The following CLSTN2 variants were observed in gnomAD, a reference collection of about 807,000 sequenced individuals.
CLSTN2 encodes calsyntenin-2.
CLSTN2 carries 48 observed loss-of-function variants against 101.2 expected under a neutral mutation model. The observed-to-expected ratio is 0.47, with a 90% CI of 0.38 to 0.60. The LOEUF (loss-of-function observed/expected upper bound fraction) is 0.60. Among genes scored for constraint, CLSTN2 ranks in the 20% least tolerant of loss-of-function variants. The pLI, the probability that CLSTN2 is intolerant of heterozygous loss-of-function variation, is 0.00. For synonymous variants in CLSTN2, 481 were observed against 463.6 expected, an observed-to-expected ratio of 1.04 and a Z score of -0.48; for missense variants, 1,160 against 1,238.2, an observed-to-expected ratio of 0.94 and a Z score of 0.95.
chr3:140,551,517 G>C (rs2081785044), intron 10 of CLSTN2, among the ~76,000 whole-genome samples: 3 of 152,028 alleles, frequency 2.0e-5, no homozygotes, highest in Admixed American at 2.0e-4. Context: ...TCATGTGGAA[G>C]AGTGGGAAAG....
intron 2 of CLSTN2, among the ~76,000 whole-genome samples, chr3:140,257,385 G>A (rs766911566): frequency 2.6e-5 from 4 of 152,118 alleles, no homozygotes; most frequent in Admixed American, 6.6e-5. Flanking sequence ...TCTTGTATTT[G>A]GAGAAAGTGA....
At chr3:140,187,244 C>A (rs1404202028) in intron 2 of CLSTN2, among the ~76,000 whole-genome samples, 1 of 152,142 alleles carries the variant, frequency 6.6e-6, no homozygotes, top group East Asian at 1.9e-4. Context: ...AGCCTCCACA[C>A]CAGCCTCATA....
chr3:140,430,190 C>T (rs2088614061), intron 5 of CLSTN2, among the ~76,000 whole-genome samples: 1 of 152,162 alleles, frequency 6.6e-6, no homozygotes, highest in Non-Finnish European at 1.5e-5. Context: ...CCTCAGTTCT[C>T]TCTTTTACTG....
intron 1 of CLSTN2, among the ~76,000 whole-genome samples, chr3:140,058,101 T>A (rs549912350): frequency 6.8e-5 from 10 of 146,722 alleles, no homozygotes; most frequent in Admixed American, 1.4e-4. Flanking sequence ...AAAAAAAAAA[T>A]TTCAAAAACT....
chr3:140,232,869 CTAGCTTA>C (rs374069743), intron 2 of CLSTN2, among the ~76,000 whole-genome samples: 9 of 152,174 alleles, frequency 5.9e-5, no homozygotes, highest in African/African-American at 2.2e-4. Context: ...ACCTGTGTCA[CTAGCTTA>C]GTTCAGAACA....
At chr3:140,170,880 T>G (rs1252888699) in intron 1 of CLSTN2, among the ~76,000 whole-genome samples, 1 of 152,120 alleles carries the variant, frequency 6.6e-6, no homozygotes, top group Non-Finnish European at 1.5e-5. Flanking sequence ...GGCCAGAGGA[T>G]TCACATAGGA....
At chr3:140,167,598 A>T (rs573338451) in intron 1 of CLSTN2, among the ~76,000 whole-genome samples, 2 of 152,288 alleles carry the variant, frequency 1.3e-5, no homozygotes, top group South Asian at 4.1e-4. Flanking sequence ...GTGAAGTTGG[A>T]TATGTTTTGA....
rs140879586 is a variant in CLSTN2 at position 140,309,752 on chromosome 3, G to A, written c.233-93877G>A. Among the ~76,000 whole-genome samples the A allele has an allele frequency of 3.4e-4, 51 of 152,040 alleles. No homozygotes were observed. In the East Asian group the frequency reaches 9.7e-3, roughly 29 times the overall value. On this transcript the variant is annotated intron_variant, in intron 2 of 16. Transcript: ENST00000458420. Reference sequence around the variant, plus strand: ...TCCCCCGTGACTAAGTCTTTCCTTCGTGCTTCTCCTTCCCTATTCTGTGGG... The same window carrying A: ...TCCCCCGTGACTAAGTCTTTCCTTCATGCTTCTCCTTCCCTATTCTGTGGG...
intron 1 of CLSTN2, among the ~76,000 whole-genome samples, chr3:140,014,181 G>A (rs1304477141): frequency 1.3e-5 from 2 of 152,168 alleles, no homozygotes; most frequent in South Asian, 2.1e-4. Context: ...AATGTCGAGA[G>A]CCTGTGATGG....
At chr3:140,303,088 C>G (rs2087076518) in intron 2 of CLSTN2, among the ~76,000 whole-genome samples, 3 of 152,190 alleles carry the variant, frequency 2.0e-5, no homozygotes. Context: ...GAAATGCTGA[C>G]AGGAAAACCT....
At chr3:139,937,932 T>C (rs2107805296) in intron 1 of CLSTN2, among the ~76,000 whole-genome samples, 1 of 152,178 alleles carries the variant, frequency 6.6e-6, no homozygotes, top group Non-Finnish European at 1.5e-5. Context: ...ATGTGTAATA[T>C]TTGATTACAA....
intron 2 of CLSTN2, among the ~76,000 whole-genome samples, chr3:140,194,003 A>G (rs369350820): frequency 4.4e-4 from 67 of 151,954 alleles, no homozygotes; most frequent in African/African-American, 1.5e-3. Context: ...ATTTGCTGAG[A>G]CTTTCTACTT....
intron 4 of CLSTN2, among the ~76,000 whole-genome samples, chr3:140,415,691 C>T (rs1379258471): frequency 6.6e-6 from 1 of 152,012 alleles, no homozygotes; most frequent in East Asian, 1.9e-4. Context: ...GTCAAAAAGT[C>T]CATGAGGAGA....
intron 8 of CLSTN2, among the ~76,000 whole-genome samples, chr3:140,524,287 T>C (rs1935091758): frequency 6.6e-6 from 1 of 152,186 alleles, no homozygotes; most frequent in Admixed American, 6.5e-5. Context: ...TACTCTGACA[T>C]GCAAGTACAC....
chr3:140,493,934 C>A (rs76944911), intron 8 of CLSTN2, among the ~76,000 whole-genome samples: 14,706 of 152,212 alleles, frequency 0.097, 779 homozygotes, highest in Middle Eastern at 0.16. Context: ...TCCCCAAATT[C>A]ATTATTAGAT....
chr3:140,020,385 G>C (rs1427644140), intron 1 of CLSTN2, among the ~76,000 whole-genome samples: 1 of 152,082 alleles, frequency 6.6e-6, no homozygotes, highest in Non-Finnish European at 1.5e-5. Context: ...TACCCAGGTG[G>C]AACCCTCCTG....
chr3:140,467,146 AG>A (rs1462384714), intron 8 of CLSTN2, among the ~76,000 whole-genome samples: 6 of 152,156 alleles, frequency 3.9e-5, no homozygotes, highest in Non-Finnish European at 8.8e-5. Context: ...CAGGGACTTG[AG>A]GGCTTTGAAG....
At chr3:139,959,371 G>A (rs995173689) in intron 1 of CLSTN2, among the ~76,000 whole-genome samples, 4 of 152,152 alleles carry the variant, frequency 2.6e-5, no homozygotes, top group African/African-American at 9.7e-5. Context: ...GGTACATAGT[G>A]TCGTTAGTTT....
chr3:140,306,237 G>A (rs1013809300), intron 2 of CLSTN2, among the ~76,000 whole-genome samples: 8 of 152,144 alleles, frequency 5.3e-5, no homozygotes, highest in Admixed American at 3.9e-4. Context: ...GGAGCTCTGT[G>A]CACACAGGGC....
Sources: gnomAD v4.1 joint callset for allele counts (sites outside exome capture counted in the v4.1 genomes callset) on GRCh38, gnomAD v4.1.1 for gene constraint, MANE v1.5 for transcripts, NCBI Gene and HGNC (gene_info 2026-07-23, HGNC 2026-07-21) for gene names.